The following GYPE variants were observed in gnomAD, a reference collection of about 807,000 sequenced individuals.
The protein encoded by GYPE is glycophorin-E.
In GYPE, 8 loss-of-function variants were observed where a neutral mutation model predicts 11.6. That is an observed-to-expected ratio of 0.69 (90% confidence interval 0.41 to 1.25). The LOEUF (loss-of-function observed/expected upper bound fraction) is 1.25, where lower values mean the gene tolerates loss of function less well. GYPE is among the 50% of genes most tolerant of loss of function. GYPE has a pLI of 0.01. For missense variants in GYPE, 90 were observed against 92.8 expected, an observed-to-expected ratio of 0.97 and a Z score of 0.12; for synonymous variants, 28 against 29.6, an observed-to-expected ratio of 0.94 and a Z score of 0.18.
intron 1 of GYPE, among the ~76,000 whole-genome samples, chr4:143,889,587 A>G (rs1366308881): frequency 6.6e-5 from 10 of 151,808 alleles, no homozygotes; most frequent in South Asian, 4.2e-4. Flanking sequence ...TACTAGCCTC[A>G]AACTCCTAGG....
chr4:143,879,112 G>C (rs1743922508), intron 2 of GYPE, among the ~76,000 whole-genome samples: 1 of 152,150 alleles, frequency 6.6e-6, no homozygotes, highest in African/African-American at 2.4e-5. Flanking sequence ...GTATGCCACA[G>C]CCACTGTCTG....
intron 1 of GYPE, among the ~76,000 whole-genome samples, chr4:143,889,670 A>T (rs1744331566): frequency 6.6e-6 from 1 of 152,200 alleles, no homozygotes; most frequent in African/African-American, 2.4e-5. Context: ...CCTGGCCTGG[A>T]ATGGATGTCT....
At chr4:143,904,526 A>G (rs1744986185) in intron 1 of GYPE, among the ~76,000 whole-genome samples, 1 of 152,078 alleles carries the variant, frequency 6.6e-6, no homozygotes, top group South Asian at 2.1e-4. Context: ...CTATTGCACT[A>G]TTTTATCCTC....
intron 3 of GYPE, among the ~76,000 whole-genome samples, chr4:143,875,851 G>A (rs1743783704): frequency 6.6e-6 from 1 of 152,042 alleles, no homozygotes; most frequent in African/African-American, 2.4e-5. Context: ...GCCCGCACCT[G>A]TAGTCCCAAC....
chr4:143,873,423 A>C (rs962017773), intron 3 of GYPE: 1 of 455,696 alleles, frequency 2.2e-6, no homozygotes. Context: ...TAAAGGTCTA[A>C]AATTTCCTTT....
At chr4:143,891,478 G>A (rs4835067) in intron 1 of GYPE, among the ~76,000 whole-genome samples, 140,144 of 150,972 alleles carry the variant, frequency 0.93, 65,980 homozygotes, top group East Asian at 1. Context: ...ACAGGTGCCC[G>A]CCACCAAGCC....
rs1388769346 is a variant in GYPE at position 143,875,613 on chromosome 4, T to C, written c.*9+1133A>G. ...TCACAGGCCAATCCTTCATAGGGTG[T>C]AGCCAATTGGAGGCTTCTAAAGGGT... is the stretch of plus-strand genomic sequence containing the variant. On this transcript the variant is annotated intron_variant, in intron 3 of 3. Coordinates refer to ENST00000358615, the MANE Select transcript of GYPE (RefSeq NM_198682.3). 3 of 1,523,772 alleles carry C rather than the reference T, an allele frequency of 2.0e-6. No homozygotes were observed. The African/African-American group carries it at 4.1e-5, about 21-fold the overall frequency. The allele number at this position is 1,523,772 out of a possible 1,614,324, so 94.4% of individuals were successfully genotyped here. A position where few individuals can be genotyped will look rare whatever the true frequency, so the allele number is the denominator to read the frequency against.
At chr4:143,896,049 AAACCCTAGAAG>A (rs1744616180) in intron 1 of GYPE, among the ~76,000 whole-genome samples, 1 of 152,202 alleles carries the variant, frequency 6.6e-6, no homozygotes. Context: ...AAAACCATAA[AAACCCTAGAAG>A]AAAACCTAGG....
At chr4:143,895,356 A>C (rs1009526550) in intron 1 of GYPE, among the ~76,000 whole-genome samples, 5 of 152,134 alleles carry the variant, frequency 3.3e-5, no homozygotes, top group Admixed American at 6.6e-5. Context: ...TTCTTATACA[A>C]CAATAACAGA....
At chr4:143,898,346 C>T (rs1439830653) in intron 1 of GYPE, among the ~76,000 whole-genome samples, 4 of 152,130 alleles carry the variant, frequency 2.6e-5, no homozygotes, top group Non-Finnish European at 5.9e-5. Flanking sequence ...CACTGCACTC[C>T]AGCCTGGGCG....
At chr4:143,889,568 T>C (rs1291223835) in intron 1 of GYPE, among the ~76,000 whole-genome samples, 4 of 152,154 alleles carry the variant, frequency 2.6e-5, no homozygotes, top group Non-Finnish European at 5.9e-5. Flanking sequence ...GGTCTCACCA[T>C]ATTGCCCATA....
At chr4:143,902,668 C>CTGG (rs1744914745) in intron 1 of GYPE, among the ~76,000 whole-genome samples, 3 of 151,744 alleles carry the variant, frequency 2.0e-5, no homozygotes, top group Non-Finnish European at 2.9e-5. Context: ...CACCTCCTTC[C>CTGG]TTGCTTATTC....
intron 1 of GYPE, among the ~76,000 whole-genome samples, chr4:143,895,926 A>G (rs1158827144): frequency 1.3e-5 from 2 of 151,958 alleles, no homozygotes; most frequent in Non-Finnish European, 2.9e-5. Flanking sequence ...CTATTTAATA[A>G]ATGGTGCTGG....
intron 1 of GYPE, among the ~76,000 whole-genome samples, chr4:143,892,729 A>C (rs201066560): frequency 4.7e-5 from 7 of 148,628 alleles, no homozygotes; most frequent in South Asian, 2.2e-4. Context: ...TTTACTTCCA[A>C]CTATGTGGTC....
chr4:143,874,717 A>G (rs1303236355), intron 3 of GYPE, among the ~76,000 whole-genome samples: 21 of 152,164 alleles, frequency 1.4e-4, no homozygotes, highest in African/African-American at 4.8e-4. Flanking sequence ...CAGGTCCTTT[A>G]GTTCAACCTG....
chr4:143,876,404 T>C (rs1306665193), intron 3 of GYPE, among the ~76,000 whole-genome samples: 1 of 152,310 alleles, frequency 6.6e-6, no homozygotes, highest in Non-Finnish European at 1.5e-5. Context: ...AAATATATTA[T>C]TTTAAACATT....
chr4:143,876,695 G>T (rs6537203), intron 3 of GYPE, 51 bp downstream of exon 3: 217,528 of 879,776 alleles, frequency 0.25, 27,981 homozygotes, highest in East Asian at 0.37. Context: ...TAAACCCTCC[G>T]AGAGCTGTTC....
At chr4:143,896,987 T>G (rs1395300203) in intron 1 of GYPE, among the ~76,000 whole-genome samples, 2 of 145,108 alleles carry the variant, frequency 1.4e-5, no homozygotes, top group East Asian at 4.3e-4. Flanking sequence ...AAGGGGAACA[T>G]CACACTCTGG....
At chr4:143,887,680 C>T (rs1424479077) in intron 1 of GYPE, among the ~76,000 whole-genome samples, 4 of 150,732 alleles carry the variant, frequency 2.7e-5, no homozygotes, top group Admixed American at 2.0e-4. Context: ...GCTTAGGGCA[C>T]CTAGCAGGCA....
Sources: allele counts gnomAD v4.1 joint callset (sites outside exome capture counted in the v4.1 genomes callset), GRCh38; gene constraint gnomAD v4.1.1; transcripts MANE v1.5; gene names NCBI Gene and HGNC (gene_info 2026-07-23, HGNC 2026-07-21).